The following GRIN2A variants were observed in gnomAD, a reference collection of about 807,000 sequenced individuals.
GRIN2A encodes the protein glutamate ionotropic receptor NMDA type subunit 2A.
In GRIN2A, 22 loss-of-function variants were observed where a neutral mutation model predicts 113.4. That is an observed-to-expected ratio of 0.19 (90% CI 0.14 to 0.28). The LOEUF is 0.28. Among genes scored for constraint, GRIN2A ranks in the 10% least tolerant of loss-of-function variants. The probability of loss-of-function intolerance (pLI) is 1.00; values close to 1 mark genes in which losing one functional copy is unlikely to be tolerated. For missense variants in GRIN2A, 1,502 were observed against 1,887.0 expected (o/e 0.80, Z 3.78); for synonymous variants, 827 against 738.4 (o/e 1.12, Z -1.94).
At chr16:9,830,108 C>T (rs530377862) in intron 8 of GRIN2A, among the ~76,000 whole-genome samples, 30 of 152,254 alleles carry the variant, frequency 2.0e-4, no homozygotes, top group East Asian at 1.9e-4. Flanking sequence ...TATTCTAATC[C>T]GATTGTCCCT....
intron 2 of GRIN2A, among the ~76,000 whole-genome samples, chr16:9,979,733 A>G (rs1168899739): frequency 6.6e-6 from 1 of 150,912 alleles, no homozygotes; most frequent in East Asian, 2.0e-4. Context: ...TGACTGTACT[A>G]GAAAACGCTT....
chr16:9,773,789 C>T (rs578092202), intron 11 of GRIN2A, among the ~76,000 whole-genome samples: 10 of 152,188 alleles, frequency 6.6e-5, no homozygotes, highest in Non-Finnish European at 1.0e-4. Context: ...ACAAGTATCT[C>T]TACTAACCAC....
chr16:9,928,486 G>A (rs934638055), intron 3 of GRIN2A, among the ~76,000 whole-genome samples: 1 of 152,064 alleles, frequency 6.6e-6, no homozygotes, highest in Non-Finnish European at 1.5e-5. Context: ...ATCAGATGTT[G>A]CCCAAATCGT....
chr16:9,874,087 G>C (rs1228528712), intron 4 of GRIN2A, among the ~76,000 whole-genome samples: 1 of 152,080 alleles, frequency 6.6e-6, no homozygotes, highest in African/African-American at 2.4e-5. Context: ...ATTTCCAACG[G>C]AGTCTTTCTT....
intron 2 of GRIN2A, among the ~76,000 whole-genome samples, chr16:10,152,545 A>G (rs1567335901): frequency 1.3e-5 from 2 of 152,122 alleles, no homozygotes; most frequent in African/African-American, 4.8e-5. Context: ...GACCTGGTTC[A>G]TTCTCCAGGA....
At chr16:9,890,790 G>A (rs1389378704) in intron 4 of GRIN2A, among the ~76,000 whole-genome samples, 196 bp downstream of exon 4, 1 of 152,190 alleles carries the variant, frequency 6.6e-6, no homozygotes, top group African/African-American at 2.4e-5. Flanking sequence ...AATTACCACA[G>A]TTCACCCAGA....
chr16:9,828,563 T>C (rs2042429588), intron 9 of GRIN2A, among the ~76,000 whole-genome samples: 1 of 152,218 alleles, frequency 6.6e-6, no homozygotes, highest in Non-Finnish European at 1.5e-5. Context: ...AGAAAATCTT[T>C]GTGGTGCTGC....
chr16:9,818,784 C>G (rs2042230136), intron 10 of GRIN2A, among the ~76,000 whole-genome samples: 1 of 152,128 alleles, frequency 6.6e-6, no homozygotes. Flanking sequence ...GAAATAAGCT[C>G]TCTCATGCAC....
At chr16:9,935,226 C>T (rs913417044) in intron 3 of GRIN2A, among the ~76,000 whole-genome samples, 19 of 152,042 alleles carry the variant, frequency 1.2e-4, no homozygotes, top group African/African-American at 4.3e-4. Flanking sequence ...AGCTGCAGGG[C>T]ACATATTATG....
intron 2 of GRIN2A, among the ~76,000 whole-genome samples, chr16:10,125,826 G>C (rs573720308): frequency 6.6e-6 from 1 of 151,938 alleles, no homozygotes; most frequent in African/African-American, 2.4e-5. Flanking sequence ...GGTAAAGGCT[G>C]GGTGGGAGGA....
chr16:10,173,649 G>C (rs990830485), intron 2 of GRIN2A, among the ~76,000 whole-genome samples: 4 of 152,190 alleles, frequency 2.6e-5, no homozygotes, highest in African/African-American at 9.7e-5. Flanking sequence ...CAAAGGGCAG[G>C]ACAAGTGTGA....
chr16:9,899,466 A>AAAAAAAG (rs2043874305), intron 3 of GRIN2A, among the ~76,000 whole-genome samples: 1 of 142,414 alleles, frequency 7.0e-6, no homozygotes, highest in African/African-American at 2.7e-5. Context: ...AAAAAAAAAA[A>AAAAAAAG]GTCAAGACAG....
chr16:10,019,725 C>T (rs1042738200), intron 2 of GRIN2A, among the ~76,000 whole-genome samples: 5 of 152,140 alleles, frequency 3.3e-5, no homozygotes, highest in African/African-American at 7.2e-5. Flanking sequence ...TCAGGACTAC[C>T]GGAGTCAGAA....
At chr16:10,044,007 G>GTGTGTATATATATATA (rs1555469968) in intron 2 of GRIN2A, among the ~76,000 whole-genome samples, 27 of 116,920 alleles carry the variant, frequency 2.3e-4, no homozygotes, top group African/African-American at 8.6e-4. Context: ...GTGTGTGTGT[G>GTGTGTATATATATATA]TATATATATA....
intron 7 of GRIN2A, among the ~76,000 whole-genome samples, chr16:9,837,560 T>G (rs1787655994): frequency 6.6e-6 from 1 of 152,162 alleles, no homozygotes; most frequent in Non-Finnish European, 1.5e-5. Flanking sequence ...AAGACTTTTT[T>G]GTGTGAAAAG....
chr16:10,149,382 A>T (rs2049517608), intron 2 of GRIN2A, among the ~76,000 whole-genome samples: 1 of 152,246 alleles, frequency 6.6e-6, no homozygotes, highest in Non-Finnish European at 1.5e-5. Context: ...TAACAATTTT[A>T]AAAATTTAAG....
intron 12 of GRIN2A, among the ~76,000 whole-genome samples, chr16:9,765,631 G>A (rs946928482): frequency 6.6e-6 from 1 of 152,108 alleles, no homozygotes; most frequent in African/African-American, 2.4e-5. Context: ...GAGCCTATCA[G>A]TGAAGCCATT....
intron 8 of GRIN2A, among the ~76,000 whole-genome samples, chr16:9,833,263 A>G (rs1567332086): frequency 1.3e-5 from 2 of 152,182 alleles, no homozygotes; most frequent in Non-Finnish European, 2.9e-5. Flanking sequence ...ATCAACTACA[A>G]TGCACTAAGA....
intron 2 of GRIN2A, among the ~76,000 whole-genome samples, chr16:9,999,078 A>G (rs1439663423): frequency 6.6e-6 from 1 of 152,152 alleles, no homozygotes; most frequent in African/African-American, 2.4e-5. Flanking sequence ...CAAGTGTAGT[A>G]TTTTCCTCCA....
Sources: allele counts gnomAD v4.1 joint callset (sites outside exome capture counted in the v4.1 genomes callset), GRCh38; gene constraint gnomAD v4.1.1; transcripts MANE v1.5; gene names NCBI Gene and HGNC (gene_info 2026-07-23, HGNC 2026-07-21).